Variants in DBF4 observed in about 807,000 individuals in gnomAD.
The protein encoded by DBF4 is protein DBF4 homolog A.
In DBF4, 25 loss-of-function variants were observed where a neutral mutation model predicts 76.6. The observed-to-expected ratio is 0.33, with a 90% CI of 0.24 to 0.46. The LOEUF (loss-of-function observed/expected upper bound fraction) is 0.46, where lower values mean the gene tolerates loss of function less well. DBF4 is among the 20% of genes least tolerant of loss of function. The pLI is 1.00. For missense variants in DBF4, 638 were observed against 760.8 expected (o/e 0.84, Z 1.90); for synonymous variants, 213 against 258.0 (o/e 0.83, Z 1.67).
chr7:87,892,867 A>G (rs1046495413), intron 6 of DBF4, among the ~76,000 whole-genome samples: 2 of 152,162 alleles, frequency 1.3e-5, no homozygotes, highest in Non-Finnish European at 2.9e-5. Flanking sequence ...ACTGATTTCT[A>G]TTTTAATTCT....
At chr7:87,888,311 T>A in intron 6 of DBF4, 24 of 985,090 alleles carry the variant, frequency 2.4e-5, no homozygotes, top group Non-Finnish European at 2.9e-5. Flanking sequence ...TAACAGGTAC[T>A]TTTATTTATT....
At chr7:87,900,502 A>G (rs1306124512) in intron 9 of DBF4, among the ~76,000 whole-genome samples, 153 bp downstream of exon 9, 1 of 151,688 alleles carries the variant, frequency 6.6e-6, no homozygotes, top group Non-Finnish European at 1.5e-5. Context: ...ATCTGTTTAG[A>G]TGGAGGTGGG....
intron 6 of DBF4, among the ~76,000 whole-genome samples, chr7:87,895,334 T>C (rs1348573850): frequency 6.6e-6 from 1 of 152,208 alleles, no homozygotes; most frequent in African/African-American, 2.4e-5. Context: ...CAGGAACATG[T>C]TGGGGTTGGC....
At position 87,876,576 on chromosome 7, in the gene DBF4, C is replaced by G; in HGVS notation, c.-157C>G. On this transcript the variant is annotated 5_prime_UTR_variant, in exon 1 of 12. Coordinates refer to ENST00000265728, the MANE Select transcript of DBF4 (RefSeq NM_006716.4). ...TGGAGCCGGATCCGGCCCCGGAAAC[C>G]CGACCTGCAGACGCGGTACCTCTAC... 1.3e-6 allele frequency: 1 copy of G among 773,674 alleles called. No individual in the cohort carries two copies. The highest frequency in any genetic ancestry group is 2.1e-6 in the Non-Finnish European group (1 of 475,220). 47.9% of individuals were successfully genotyped at this position (773,674 alleles called of 1,614,324 possible). A position where few individuals can be genotyped will look rare whatever the true frequency, so the allele number is the denominator to read the frequency against.
chr7:87,882,828 A>G (rs1839250354), intron 2 of DBF4, among the ~76,000 whole-genome samples: 1 of 152,194 alleles, frequency 6.6e-6, no homozygotes. Context: ...GATTTGAAGA[A>G]GTAGAACCCT....
chr7:87,895,305 T>C (rs1307563728), intron 6 of DBF4, among the ~76,000 whole-genome samples: 3 of 152,234 alleles, frequency 2.0e-5, no homozygotes. Context: ...TTAAAGTCTT[T>C]TTCTAATAAT....
chr7:87,883,606 G>A (rs941524496), intron 2 of DBF4, among the ~76,000 whole-genome samples: 3 of 152,056 alleles, frequency 2.0e-5, no homozygotes, highest in Admixed American at 2.0e-4. Context: ...ATAAATGTAG[G>A]TACATTATTT....
intron 6 of DBF4, among the ~76,000 whole-genome samples, chr7:87,892,000 G>A (rs926302004): frequency 3.3e-5 from 5 of 152,076 alleles, no homozygotes; most frequent in Admixed American, 1.3e-4. Flanking sequence ...CAGTAAAATC[G>A]AATGAAAGGT....
chr7:87,900,020 A>C (rs1839734872), intron 8 of DBF4, among the ~76,000 whole-genome samples: 1 of 152,110 alleles, frequency 6.6e-6, no homozygotes, highest in Non-Finnish European at 1.5e-5. Flanking sequence ...AAGGTAATAA[A>C]TTTTATGTGT....
chr7:87,904,474 T>G (rs1343062325), intron 11 of DBF4, 58 bp downstream of exon 11: 49 of 1,539,430 alleles, frequency 3.2e-5, no homozygotes, highest in East Asian at 7.4e-5. Context: ...GGGTGGTGGC[T>G]CATGCCTGTA....
intron 2 of DBF4, among the ~76,000 whole-genome samples, chr7:87,883,505 T>C (rs2131044483): frequency 6.6e-6 from 1 of 152,294 alleles, no homozygotes; most frequent in Middle Eastern, 3.4e-3. Flanking sequence ...TAGGGCCTCA[T>C]ATTTATGAAA....
At chr7:87,900,458 G>A in intron 9 of DBF4, 109 bp downstream of exon 9, 1 of 1,266,200 alleles carries the variant, frequency 7.9e-7, no homozygotes. Context: ...ATTTGTGTTT[G>A]TAATTACTAT....
chr7:87,880,429 A>G (rs560077134), intron 2 of DBF4, among the ~76,000 whole-genome samples: 2 of 152,144 alleles, frequency 1.3e-5, no homozygotes, highest in African/African-American at 2.4e-5. Flanking sequence ...TGGATTTTCA[A>G]TGGAATTTGA....
intron 8 of DBF4, 51 bp downstream of exon 8, chr7:87,897,390 A>C (rs1227212029): frequency 6.5e-7 from 1 of 1,538,232 alleles, no homozygotes; most frequent in Non-Finnish European, 8.9e-7. Flanking sequence ...CTAAAGAGGA[A>C]AATCACCTAA....
At chr7:87,885,180 T>G (rs1248579472) in intron 3 of DBF4, 22 bp downstream of exon 3, 2 of 1,570,642 alleles carry the variant, frequency 1.3e-6, no homozygotes, top group Admixed American at 3.6e-5. Context: ...AAATATGCTT[T>G]GAGACTCAGA....
intron 8 of DBF4, among the ~76,000 whole-genome samples, chr7:87,898,204 C>G (rs1839687701): frequency 6.6e-6 from 1 of 152,194 alleles, no homozygotes; most frequent in Non-Finnish European, 1.5e-5. Context: ...GGTACTCACA[C>G]TGAGGCGACA....
chr7:87,893,525 G>A (rs1839549542), intron 6 of DBF4, among the ~76,000 whole-genome samples: 1 of 152,098 alleles, frequency 6.6e-6, no homozygotes, highest in Non-Finnish European at 1.5e-5. Flanking sequence ...GATTACAGGC[G>A]TGAGCCACCG....
intron 10 of DBF4, among the ~76,000 whole-genome samples, chr7:87,901,950 T>G (rs1839800402): frequency 1.3e-5 from 2 of 152,200 alleles, no homozygotes; most frequent in African/African-American, 4.8e-5. Flanking sequence ...AATATATTAG[T>G]GTTTTGTGTC....
rs1166557686 is a variant in DBF4 at position 87,900,821 on chromosome 7, G to C, written c.867G>C (p.Glu289Asp). The change falls in exon 10 of 12, where the codon GAG becomes GAC. Residue 289 changes from glutamate to aspartate, a missense_variant. By Grantham distance (45) the Glu-to-Asp change is conservative. Coordinates refer to ENST00000265728, the MANE Select transcript of DBF4 (RefSeq NM_006716.4). ...CCTCAATTCAACTCCAGTTGAAAGAGAAGAAGAAAAAAGGATATTGTGAAT... is the reference window on the plus strand; with the variant it reads ...CCTCAATTCAACTCCAGTTGAAAGACAAGAAGAAAAAAGGATATTGTGAAT... Reference protein sequence around the residue: ...GGTSIQLQLKEKKKKGYCECC... With the variant: ...GGTSIQLQLKDKKKKGYCECC... 1.2e-6 allele frequency: 2 copies of C among 1,613,142 alleles called. No homozygotes were observed. The highest frequency in any genetic ancestry group is 2.7e-5 in the African/African-American group (2 of 75,010).
Sources: allele counts gnomAD v4.1 joint callset (sites outside exome capture counted in the v4.1 genomes callset), GRCh38; gene constraint gnomAD v4.1.1; transcripts MANE v1.5; gene names NCBI Gene and HGNC (gene_info 2026-07-23, HGNC 2026-07-21).